Variants in ERG observed in about 807,000 individuals in gnomAD.
The protein encoded by ERG is ETS transcription factor ERG.
ERG carries 9 observed loss-of-function variants against 55.3 expected under a neutral mutation model. The observed-to-expected ratio is 0.16, with a 90% confidence interval of 0.10 to 0.28. The LOEUF (loss-of-function observed/expected upper bound fraction) is 0.28. Among genes scored for constraint, ERG ranks in the 10% least tolerant of loss-of-function variants. ERG has a pLI of 1.00. For synonymous variants in ERG, 223 were observed against 237.3 expected, an observed-to-expected ratio of 0.94 and a Z score of 0.55; for missense variants, 434 against 631.6, an observed-to-expected ratio of 0.69 and a Z score of 3.35.
rs533473797 is a variant in ERG, at chr21:38,470,071, C to T, written c.19-24450G>A. On this transcript the variant is annotated intron_variant, in intron 1 of 9. Coordinates refer to ENST00000288319, the MANE Select transcript of ERG (RefSeq NM_182918.4). Reference sequence around the variant, plus strand: ...GGATGTATCTGATTCATTTCTGTATCTCCGGAACCCACTGCACAGCTGCTG... The same window carrying T: ...GGATGTATCTGATTCATTTCTGTATTTCCGGAACCCACTGCACAGCTGCTG... Among the ~76,000 whole-genome samples the T allele has an allele frequency of 4.5e-4, 68 of 152,266 alleles. 2 individuals carry two copies. In the South Asian group the frequency reaches 0.014, roughly 31 times the overall value.
intron 1 of ERG, among the ~76,000 whole-genome samples, chr21:38,634,285 C>T (rs537700279): frequency 2.6e-5 from 4 of 152,110 alleles, no homozygotes; most frequent in East Asian, 1.9e-4. Context: ...GAGCAAAAGT[C>T]GCCACTTCAC....
chr21:38,573,171 T>C (rs959243681), intron 2 of ERG, among the ~76,000 whole-genome samples: 3 of 152,346 alleles, frequency 2.0e-5, no homozygotes, highest in Middle Eastern at 6.8e-3. Flanking sequence ...AGGGGCACAA[T>C]GCACTGCGGA....
chr21:38,383,151 C>T lies in ERG; in HGVS notation c.*252G>A. On this transcript the variant is annotated 3_prime_UTR_variant, in exon 10 of 10. Coordinates refer to ENST00000288319, the MANE Select transcript of ERG (RefSeq NM_182918.4). The surrounding 1 kb of genome is among the most constrained non-coding windows in gnomAD (Gnocchi z 5.7). ...TTAAGACTTCATGCTTCTACATACACTGTCTTTTACAAGGTCAGTCCACAG... is the reference window on the plus strand; with the variant it reads ...TTAAGACTTCATGCTTCTACATACATTGTCTTTTACAAGGTCAGTCCACAG... 1 of 1,211,664 alleles carries T rather than the reference C, an allele frequency of 8.3e-7. No individual in the cohort carries two copies. The highest frequency in any genetic ancestry group is 3.3e-4 in the Middle Eastern group (1 of 3,060). The allele number at this position is 1,211,664 out of a possible 1,614,324, so 75.1% of individuals were successfully genotyped here. A position where few individuals can be genotyped will look rare whatever the true frequency, so the allele number is the denominator to read the frequency against.
chr21:38,454,762 TCA>T (rs1266407189), intron 1 of ERG, among the ~76,000 whole-genome samples: 1 of 152,192 alleles, frequency 6.6e-6, no homozygotes, highest in Non-Finnish European at 1.5e-5. Context: ...GCAAGGAAAA[TCA>T]CAGTCTCTTG....
chr21:38,639,765 T>C (rs2060412217), intron 1 of ERG, among the ~76,000 whole-genome samples: 1 of 152,178 alleles, frequency 6.6e-6, no homozygotes. Flanking sequence ...ACTTTCACTT[T>C]CCAAATCGTG....
At chr21:38,649,304 C>T (rs2836594) in intron 1 of ERG, among the ~76,000 whole-genome samples, 2,066 of 152,192 alleles carry the variant, frequency 0.014, 49 homozygotes, top group African/African-American at 0.047. Context: ...GAGCTGATGA[C>T]GTAGCGTTTC....
intron 1 of ERG, among the ~76,000 whole-genome samples, chr21:38,590,379 G>C (rs28705162): frequency 0.17 from 25,170 of 152,056 alleles, 2,199 homozygotes; most frequent in East Asian, 0.29. Context: ...AAGAAGGGAA[G>C]TGTTCTCCAA....
intron 2 of ERG, among the ~76,000 whole-genome samples, chr21:38,564,680 C>G (rs987396103): frequency 6.6e-6 from 1 of 152,006 alleles, no homozygotes; most frequent in Admixed American, 6.6e-5. Flanking sequence ...GTGGCCAAAG[C>G]CTGTGGCTAA....
At chr21:38,628,224 A>T (rs1317522708) in intron 1 of ERG, among the ~76,000 whole-genome samples, 2 of 152,206 alleles carry the variant, frequency 1.3e-5, no homozygotes. Flanking sequence ...TGCTGGAATC[A>T]GAGGTGTGAG....
chr21:38,474,079 G>C (rs574728358), intron 1 of ERG: 2 of 152,258 alleles, frequency 1.3e-5, no homozygotes, highest in African/African-American at 4.8e-5. Context: ...TGAGATCTTG[G>C]AGGGGCAATT....
chr21:38,573,300 C>T (rs1335628916), intron 2 of ERG, among the ~76,000 whole-genome samples: 1 of 152,156 alleles, frequency 6.6e-6, no homozygotes, highest in Non-Finnish European at 1.5e-5. Flanking sequence ...GCCCGACACC[C>T]GTAAAGGGTC....
chr21:38,573,324 A>G (rs1159923517), intron 2 of ERG, among the ~76,000 whole-genome samples: 2 of 152,196 alleles, frequency 1.3e-5, no homozygotes, highest in East Asian at 1.9e-4. Context: ...GCTGAGGTGG[A>G]TTAGTAAAAG....
intron 1 of ERG, among the ~76,000 whole-genome samples, chr21:38,631,405 C>T (rs1601333180): frequency 6.6e-6 from 1 of 152,122 alleles, no homozygotes; most frequent in Non-Finnish European, 1.5e-5. Flanking sequence ...TAAACGCCCA[C>T]ACGTCTCGTC....
At chr21:38,453,404 G>A (rs762156597) in intron 1 of ERG, among the ~76,000 whole-genome samples, 73 of 152,216 alleles carry the variant, frequency 4.8e-4, no homozygotes, top group Non-Finnish European at 9.3e-4. Flanking sequence ...TGAGCCTTGG[G>A]AGATCAAGAA....
At chr21:38,653,598 C>T (rs2060500874) in intron 1 of ERG, among the ~76,000 whole-genome samples, 1 of 152,198 alleles carries the variant, frequency 6.6e-6, no homozygotes, top group South Asian at 2.1e-4. Flanking sequence ...GTTTTGTTTA[C>T]CTGTTAACAC....
At chr21:38,537,866 T>A (rs1388501962) in intron 2 of ERG, among the ~76,000 whole-genome samples, 1 of 152,210 alleles carries the variant, frequency 6.6e-6, no homozygotes, top group Non-Finnish European at 1.5e-5. Context: ...ATAGCAGCAT[T>A]ATTTACAATA....
At chr21:38,643,635 G>C (rs1305152876) in intron 1 of ERG, among the ~76,000 whole-genome samples, 1 of 151,984 alleles carries the variant, frequency 6.6e-6, no homozygotes, top group Non-Finnish European at 1.5e-5. Context: ...CAAACCACAG[G>C]GGCAACACTC....
chr21:38,418,800 G>A (rs949817107), intron 3 of ERG, among the ~76,000 whole-genome samples: 6 of 151,484 alleles, frequency 4.0e-5, no homozygotes, highest in South Asian at 2.1e-4. Context: ...GGTGGCGGGC[G>A]CCTGTAATCC....
Position 38,382,798 on chromosome 21 carries a change from T to C in ERG, c.*605A>G. On this transcript the variant is annotated 3_prime_UTR_variant, in exon 10 of 10. Coordinates refer to ENST00000288319, the MANE Select transcript of ERG (RefSeq NM_182918.4). ...AATACTGTAAAGGAGTTGGAAACTTTGGGTCATCTTCACAGTTTGAGAAAG... is the reference window on the plus strand; with the variant it reads ...AATACTGTAAAGGAGTTGGAAACTTCGGGTCATCTTCACAGTTTGAGAAAG... The C allele has an allele frequency of 9.4e-7, 1 of 1,066,274 alleles. No homozygotes were observed. The highest frequency in any genetic ancestry group is 1.1e-6 in the Non-Finnish European group (1 of 879,568). 66.1% of individuals were successfully genotyped at this position (1,066,274 alleles called of 1,614,324 possible).
Sources: allele counts gnomAD v4.1 joint callset (sites outside exome capture counted in the v4.1 genomes callset), GRCh38; gene constraint gnomAD v4.1.1; non-coding constraint Gnocchi (gnomAD v3.1); transcripts MANE v1.5; gene names NCBI Gene and HGNC (gene_info 2026-07-23, HGNC 2026-07-21).